VRTN: variants seen among roughly 807,000 people sequenced by gnomAD.
VRTN encodes vertebrae development associated.
VRTN carries 5 observed loss-of-function variants against 18.2 expected under a neutral mutation model. That is an observed-to-expected ratio of 0.27 (90% CI 0.14 to 0.58). The LOEUF is 0.58. Among genes scored for constraint, VRTN ranks in the 20% least tolerant of loss-of-function variants. The pLI is 0.91. For missense variants in VRTN, 741 were observed against 939.4 expected, an observed-to-expected ratio of 0.79 and a Z score of 2.76; for synonymous variants, 381 against 393.7, an observed-to-expected ratio of 0.97 and a Z score of 0.38.
chr14:74,342,880 G>T (rs1278560944), intron 2 of VRTN, among the ~76,000 whole-genome samples: 1 of 152,040 alleles, frequency 6.6e-6, no homozygotes, highest in Non-Finnish European at 1.5e-5. Context: ...ACCTCCCAAA[G>T]TTCTAGGATT....
chr14:74,347,335 G>A (rs756885839), upstream of VRTN, among the ~76,000 whole-genome samples: 27 of 152,330 alleles, frequency 1.8e-4, no homozygotes, highest in Non-Finnish European at 3.2e-4. Flanking sequence ...TGGTGGGTGG[G>A]GCGGGTGTGA....
chr14:74,356,364 A>T (rs1324422123), intron 1 of VRTN, among the ~76,000 whole-genome samples: 1 of 149,054 alleles, frequency 6.7e-6, no homozygotes, highest in Non-Finnish European at 1.5e-5. Context: ...TTGTATTTTT[A>T]GTAGAGATGG....
chr14:74,348,104 A>C (rs2085655630), upstream of VRTN, among the ~76,000 whole-genome samples: 1 of 152,004 alleles, frequency 6.6e-6, no homozygotes, highest in Non-Finnish European at 1.5e-5. Flanking sequence ...TCTCTTAAGC[A>C]ATTATCCATA....
chr14:74,350,078 T>C (rs1381859160), intron 1 of VRTN, among the ~76,000 whole-genome samples: 1 of 152,238 alleles, frequency 6.6e-6, no homozygotes, highest in East Asian at 1.9e-4. Context: ...CCGGCTTGTC[T>C]GCTTTGCATT....
At chr14:74,319,164 C>T (rs1461392955) in intron 1 of VRTN, among the ~76,000 whole-genome samples, 1 of 152,124 alleles carries the variant, frequency 6.6e-6, no homozygotes, top group Non-Finnish European at 1.5e-5. Context: ...TCCAGAGTAG[C>T]TGGGATTACA....
In VRTN at chr14:74,357,233, C is replaced by T. The variant is rs751053475; in HGVS notation, c.450C>T (p.Pro150=). Residue 150 remains proline, a synonymous_variant, in exon 2 of 2, where the codon CCC becomes CCT. Transcript: ENST00000256362. This position sits in a 1 kb window ranked among gnomAD's most constrained non-coding sequence, Gnocchi z 7.8. ...EESPEMTSLP[P]ATLEAIFDAD... ...CCCCTGAGATGACCAGCTTGCCCCC[C>T]GCCACGCTGGAGGCCATCTTCGATG... 4.0e-5 allele frequency: 65 copies of T among 1,613,216 alleles called. No homozygotes were observed. The East Asian group carries it at 5.3e-4, about 13-fold the overall frequency.
intron 1 of VRTN, among the ~76,000 whole-genome samples, chr14:74,354,315 T>A (rs2085708222): frequency 6.6e-6 from 1 of 152,208 alleles, no homozygotes; most frequent in East Asian, 1.9e-4. Context: ...ATACCAAAAC[T>A]TTACAAGTAG....
intron 1 of VRTN, among the ~76,000 whole-genome samples, chr14:74,307,020 G>A (rs538772321): frequency 2.6e-5 from 4 of 151,822 alleles, no homozygotes; most frequent in African/African-American, 9.7e-5. Flanking sequence ...TTGTTTTAAT[G>A]TGCATTATTT....
At position 74,314,646 on chromosome 14, in the gene VRTN, G is replaced by A. The variant is rs531281222; in HGVS notation, c.-164+11470G>A. ...CTCTATCTCCTGACCTCCATGATCC[G>A]CCTGCCTCGGCCTCCCAAAGTGCCA... On this transcript the variant is annotated intron_variant, in intron 1 of 2. Transcript: ENST00000557177. Among the ~76,000 whole-genome samples the A allele has an allele frequency of 2.3e-4, 35 of 151,938 alleles. No homozygotes were observed. In the South Asian group the frequency reaches 6.4e-3, roughly 28 times the overall value.
At chr14:74,335,068 G>A (rs1304792932) in intron 1 of VRTN, among the ~76,000 whole-genome samples, 1 of 152,152 alleles carries the variant, frequency 6.6e-6, no homozygotes, top group Non-Finnish European at 1.5e-5. Flanking sequence ...GATCACTTGA[G>A]GTCAGGAGTT....
At chr14:74,335,769 C>T (rs984836363) in intron 1 of VRTN, among the ~76,000 whole-genome samples, 76 of 143,938 alleles carry the variant, frequency 5.3e-4, no homozygotes, top group African/African-American at 1.8e-3. Context: ...GAGATAGGGT[C>T]TTGCTCTGTT....
chr14:74,332,352 T>G, intron 1 of VRTN, among the ~76,000 whole-genome samples: 1 of 88,436 alleles, frequency 1.1e-5, no homozygotes, highest in Non-Finnish European at 2.0e-5. Context: ...TTTTTTTTTT[T>G]TTTTTTTTTT....
intron 1 of VRTN, among the ~76,000 whole-genome samples, chr14:74,331,760 GCCT>G (rs1411024973): frequency 6.0e-5 from 9 of 151,180 alleles, no homozygotes; most frequent in African/African-American, 1.7e-4. Flanking sequence ...TTCACAACAT[GCCT>G]TTCACGCAGA....
intron 1 of VRTN, among the ~76,000 whole-genome samples, chr14:74,321,798 C>T (rs564503476): frequency 6.6e-6 from 1 of 151,440 alleles, no homozygotes; most frequent in African/African-American, 2.4e-5. Context: ...GCCACCGTGC[C>T]CAGCTTTTCA....
chr14:74,314,138 AT>A (rs940938774), intron 1 of VRTN, among the ~76,000 whole-genome samples: 106 of 149,560 alleles, frequency 7.1e-4, no homozygotes, highest in Admixed American at 2.0e-3. Flanking sequence ...TTCTCTTTTA[AT>A]TTTTTTTTTA....
chr14:74,315,989 G>A (rs2085417363), intron 1 of VRTN, among the ~76,000 whole-genome samples: 1 of 152,186 alleles, frequency 6.6e-6, no homozygotes, highest in South Asian at 2.1e-4. Flanking sequence ...CTTGCAAAGG[G>A]CGTAAACTCA....
chr14:74,325,694 C>T (rs967133637), intron 1 of VRTN, among the ~76,000 whole-genome samples: 1 of 152,054 alleles, frequency 6.6e-6, no homozygotes. Flanking sequence ...TGCTTGATCC[C>T]AGGAGTTGGA....
chr14:74,307,824 G>A (rs1489169049), intron 1 of VRTN, among the ~76,000 whole-genome samples: 2 of 151,870 alleles, frequency 1.3e-5, no homozygotes, highest in Non-Finnish European at 2.9e-5. Flanking sequence ...TCCGCCTCCC[G>A]GGTTCAAGCA....
intron 1 of VRTN, among the ~76,000 whole-genome samples, chr14:74,308,322 C>A (rs1428984620): frequency 4.6e-5 from 7 of 152,176 alleles, no homozygotes. Context: ...ATTTAACACT[C>A]TTTTAGTTTA....
Sources: allele counts gnomAD v4.1 joint callset (sites outside exome capture counted in the v4.1 genomes callset), GRCh38; gene constraint gnomAD v4.1.1; non-coding constraint Gnocchi (gnomAD v3.1); transcripts MANE v1.5; gene names NCBI Gene and HGNC (gene_info 2026-07-23, HGNC 2026-07-21).